GRM4: variants seen among roughly 807,000 people sequenced by gnomAD.
GRM4 encodes the protein metabotropic glutamate receptor 4.
Under a neutral mutation model 81.7 loss-of-function variants are expected in GRM4, and 28 were observed. The observed-to-expected ratio is 0.34, with a 90% confidence interval of 0.25 to 0.47. The LOEUF is 0.47. Among genes scored for constraint, GRM4 ranks in the 20% least tolerant of loss-of-function variants. The pLI is 1.00. For missense variants in GRM4, 948 were observed against 1,290.0 expected (o/e 0.73, Z 4.06); for synonymous variants, 488 against 528.8 (o/e 0.92, Z 1.06).
chr6:34,040,111 G>T, intron 8 of GRM4, 67 bp downstream of exon 8: 2 of 1,512,386 alleles, frequency 1.3e-6, no homozygotes, highest in Non-Finnish European at 9.1e-7. Context: ...GCCTCCCCTT[G>T]GGCCCCCCTC....
At chr6:34,031,786 T>G (rs1764440289) in intron 9 of GRM4, among the ~76,000 whole-genome samples, 1 of 152,218 alleles carries the variant, frequency 6.6e-6, no homozygotes, top group Non-Finnish European at 1.5e-5. Context: ...AGCTTCACTC[T>G]GTGACAGCAC....
At chr6:34,125,959 T>C (rs888961793) in intron 2 of GRM4, among the ~76,000 whole-genome samples, 1 of 152,232 alleles carries the variant, frequency 6.6e-6, no homozygotes, top group Non-Finnish European at 1.5e-5. Context: ...TATTGAATCC[T>C]ATTCTGTATC....
At chr6:34,091,532 T>G (rs553388999) in intron 3 of GRM4, 5 of 261,038 alleles carry the variant, frequency 1.9e-5, no homozygotes, top group Admixed American at 5.0e-5. Context: ...GCCCATCACC[T>G]GAGTCCCTGA....
chr6:34,122,435 C>T (rs1035326143), intron 2 of GRM4, among the ~76,000 whole-genome samples: 4 of 152,234 alleles, frequency 2.6e-5, no homozygotes, highest in Admixed American at 6.5e-5. Flanking sequence ...GCATAGAGGC[C>T]GGCCCTGCCT....
intron 2 of GRM4, among the ~76,000 whole-genome samples, chr6:34,125,737 T>A (rs766787674): frequency 4.9e-4 from 74 of 152,162 alleles, no homozygotes; most frequent in Admixed American, 1.1e-3. Flanking sequence ...TCCCTTCCCC[T>A]CTCTATTCAG....
chr6:34,085,706 C>T (rs923984811), intron 3 of GRM4, among the ~76,000 whole-genome samples: 9 of 152,250 alleles, frequency 5.9e-5, no homozygotes, highest in African/African-American at 9.6e-5. Flanking sequence ...GGAGATGCAG[C>T]GGAGAACAAA....
At chr6:34,103,777 T>A in intron 2 of GRM4, 3 of 1,453,120 alleles carry the variant, frequency 2.1e-6, no homozygotes, top group Non-Finnish European at 2.7e-6. Context: ...CTTGGGCAAG[T>A]CACCTCCTTT....
At chr6:34,135,761 G>A (rs1770431030) in intron 1 of GRM4, among the ~76,000 whole-genome samples, 1 of 152,222 alleles carries the variant, frequency 6.6e-6, no homozygotes, top group Non-Finnish European at 1.5e-5. Flanking sequence ...AGTTGCTGAT[G>A]CAAGTACCAG....
intron 2 of GRM4, among the ~76,000 whole-genome samples, chr6:34,113,805 G>C (rs1351389203): frequency 6.6e-6 from 1 of 152,106 alleles, no homozygotes; most frequent in Non-Finnish European, 1.5e-5. Flanking sequence ...TTTTTAAAAC[G>C]TAAGTCTAAT....
intron 3 of GRM4, among the ~76,000 whole-genome samples, chr6:34,073,876 T>G (rs974731575): frequency 6.6e-6 from 1 of 152,138 alleles, no homozygotes; most frequent in African/African-American, 2.4e-5. Context: ...CAGCCACACC[T>G]CAGCACCATT....
intron 2 of GRM4, among the ~76,000 whole-genome samples, chr6:34,112,035 C>T (rs564607932): frequency 6.6e-6 from 1 of 152,172 alleles, no homozygotes; most frequent in African/African-American, 2.4e-5. Flanking sequence ...AAGGGGGGGA[C>T]ATGATCACTC....
intron 1 of GRM4, among the ~76,000 whole-genome samples, chr6:34,135,298 C>T (rs1770416033): frequency 1.3e-5 from 2 of 152,214 alleles, no homozygotes; most frequent in Non-Finnish European, 2.9e-5. Flanking sequence ...TCCTGAGCTT[C>T]TCCAGCCTTC....
intron 1 of GRM4, among the ~76,000 whole-genome samples, chr6:34,135,732 T>C (rs1295566360): frequency 6.6e-6 from 1 of 152,216 alleles, no homozygotes; most frequent in Non-Finnish European, 1.5e-5. Flanking sequence ...CTATGCATAG[T>C]GACAGGAGGT....
intron 1 of GRM4, among the ~76,000 whole-genome samples, chr6:34,134,904 G>C: frequency 6.6e-6 from 1 of 152,082 alleles, no homozygotes; most frequent in South Asian, 2.1e-4. Context: ...ATTTCCCCCC[G>C]GGGTTACTTC....
At chr6:34,037,211 G>A (rs1764758982) in intron 8 of GRM4, among the ~76,000 whole-genome samples, 1 of 152,260 alleles carries the variant, frequency 6.6e-6, no homozygotes, top group South Asian at 2.1e-4. Context: ...GATGCTTAAT[G>A]TGTGCTCAGG....
upstream of GRM4, among the ~76,000 whole-genome samples, chr6:34,150,261 T>C (rs1581746635): frequency 6.6e-6 from 1 of 152,274 alleles, no homozygotes; most frequent in African/African-American, 2.4e-5. Flanking sequence ...TGAACACAGC[T>C]CTGCTAAATG....
At position 34,061,854 on chromosome 6, in the gene GRM4, A is replaced by G. The variant is rs201839296; in HGVS notation, c.872+39T>C. 332 of 1,593,162 alleles carry G rather than the reference A, an allele frequency of 2.1e-4. No individual in the cohort carries two copies. In the Middle Eastern group the frequency reaches 3.5e-3, roughly 17 times the overall value. On this transcript the variant is annotated intron_variant, in intron 4 of 10. Transcript: ENST00000538487. Reference sequence around the variant, plus strand: ...GACCCGTGGCTTTGCCCACACCTGCATGGCTCCCGGTGCCCACCCTGCTGC... The same window carrying G: ...GACCCGTGGCTTTGCCCACACCTGCGTGGCTCCCGGTGCCCACCCTGCTGC...
chr6:34,128,490 G>A (rs1473150068), intron 2 of GRM4, among the ~76,000 whole-genome samples: 1 of 149,562 alleles, frequency 6.7e-6, no homozygotes. Flanking sequence ...CGATTCATCT[G>A]CCTCAGCCTC....
chr6:34,053,615 C>T (rs931008334), intron 6 of GRM4, among the ~76,000 whole-genome samples: 5 of 152,196 alleles, frequency 3.3e-5, no homozygotes, highest in Admixed American at 1.3e-4. Context: ...CTGTTTAGGG[C>T]GCACGCCTGA....
Sources: allele counts gnomAD v4.1 joint callset (sites outside exome capture counted in the v4.1 genomes callset), GRCh38; gene constraint gnomAD v4.1.1; transcripts MANE v1.5; gene names NCBI Gene and HGNC (gene_info 2026-07-23, HGNC 2026-07-21).